TPPP: variants seen among roughly 807,000 people sequenced by gnomAD.
TPPP encodes tubulin polymerization-promoting protein.
TPPP carries 6 observed loss-of-function variants against 15.5 expected under a neutral mutation model. That is an observed-to-expected ratio of 0.39 (90% CI 0.21 to 0.77). TPPP has a LOEUF of 0.77. Among genes scored for constraint, TPPP ranks in the 30% least tolerant of loss-of-function variants. TPPP has a pLI of 0.42. For synonymous variants in TPPP, 146 were observed against 133.9 expected (o/e 1.09, Z -0.63); for missense variants, 269 against 307.2 (o/e 0.88, Z 0.93).
At chr5:666,179 C>G in intron 2 of TPPP, 56 bp from the exon 3 acceptor site, 5 of 1,574,454 alleles carry the variant, frequency 3.2e-6, no homozygotes, top group East Asian at 2.3e-5. Flanking sequence ...GGCTGCCCTC[C>G]CCACGCGTGG....
chr5:668,448 G>GTGGGCGCCGTCAGGGAAGTACC (rs1740041836), intron 2 of TPPP, among the ~76,000 whole-genome samples: 9 of 105,230 alleles, frequency 8.6e-5, no homozygotes, highest in African/African-American at 3.7e-4. Flanking sequence ...AGGGAAGTGC[G>GTGGGCGCCGTCAGGGAAGTACC]GACAAGCACA....
At position 665,054 on chromosome 5, in the gene TPPP, G is replaced by A. The variant is rs1739836232; in HGVS notation, c.*48C>T. On this transcript the variant is annotated 3_prime_UTR_variant, in exon 4 of 4. Coordinates refer to ENST00000360578, the MANE Select transcript of TPPP (RefSeq NM_007030.3). ...ATGTAATGAAGTGCGAGGTGACAGAGTCCCTGCTCTGGGGACACCGGCAGT... is the reference window on the plus strand; with the variant it reads ...ATGTAATGAAGTGCGAGGTGACAGAATCCCTGCTCTGGGGACACCGGCAGT... The A allele has an allele frequency of 1.9e-6, 3 of 1,574,744 alleles. No homozygotes were observed. Among genetic ancestry groups the A allele is most frequent in the East Asian group, 2.2e-5 (1 of 44,622 alleles).
chr5:686,525 G>T (rs1362281614), intron 1 of TPPP, among the ~76,000 whole-genome samples: 5 of 147,866 alleles, frequency 3.4e-5, no homozygotes, highest in Non-Finnish European at 7.4e-5. Flanking sequence ...GGTTACCCTC[G>T]GGGCTCCGGG....
Position 665,124 on chromosome 5 carries a change from T to C in TPPP, c.638A>G (p.Gln213Arg), listed in dbSNP as rs770425518. ...SGYKHAGTYD[Q>R]KVQGGK ...GGGCTACTTGCCCCCTTGCACCTTC[T>C]GGTCGTAGGTGCCTGCGTGCTTGTA... is the stretch of plus-strand genomic sequence containing the variant. Residue 213 changes from glutamine to arginine, a missense_variant, in exon 4 of 4, where the codon CAG becomes CGG. Physicochemically the swap from Gln to Arg is conservative, Grantham distance 43. Transcript: ENST00000360578. 13 of 1,611,974 alleles carry C rather than the reference T, an allele frequency of 8.1e-6. No individual in the cohort carries two copies. In the East Asian group the frequency reaches 2.9e-4, roughly 36 times the overall value.
rs921717961 is a variant in TPPP, at chr5:663,234, C to G, written c.*1868G>C. ...TGTGATCGGGTGATTCCGAACCGCA[C>G]ATTCAGAGTTGTTTTCAAATGTTTC... On this transcript the variant is annotated 3_prime_UTR_variant, in exon 4 of 4. Coordinates refer to ENST00000360578, the MANE Select transcript of TPPP (RefSeq NM_007030.3). 1.3e-5 allele frequency: 2 copies of G among 152,438 alleles called. No individual in the cohort carries two copies. The highest frequency in any genetic ancestry group is 2.9e-5 in the Non-Finnish European group (2 of 68,072). 9.4% of individuals were successfully genotyped at this position (152,438 alleles called of 1,614,324 possible). A position where few individuals can be genotyped will look rare whatever the true frequency, so the allele number is the denominator to read the frequency against.
At chr5:675,101 A>T (rs1388029013) in intron 2 of TPPP, among the ~76,000 whole-genome samples, 1 of 4,976 alleles carries the variant, frequency 2.0e-4, no homozygotes, top group Non-Finnish European at 3.6e-4. Flanking sequence ...CAGTGTGGTC[A>T]GGGGTGCAGC....
intron 2 of TPPP, among the ~76,000 whole-genome samples, chr5:668,622 G>A (rs116775536): frequency 0.024 from 3,658 of 152,352 alleles, 133 homozygotes; most frequent in African/African-American, 0.08. Flanking sequence ...CGAGCAACGC[G>A]GCAGAGCCAC....
the TPPP span, among the ~76,000 whole-genome samples, chr5:698,550 C>T: frequency 6.6e-6 from 1 of 151,990 alleles, no homozygotes; most frequent in Admixed American, 6.6e-5. Flanking sequence ...AAAGGCAGAT[C>T]ATACACGGCA....
At chr5:677,069 G>A (rs1030086092) in intron 2 of TPPP, among the ~76,000 whole-genome samples, 120 of 151,920 alleles carry the variant, frequency 7.9e-4, no homozygotes, top group African/African-American at 2.5e-3. Flanking sequence ...ACAGAAACGC[G>A]CACACGTGCA....
chr5:673,699 G>C (rs1295717821), intron 2 of TPPP, among the ~76,000 whole-genome samples: 1 of 152,164 alleles, frequency 6.6e-6, no homozygotes, highest in African/African-American at 2.4e-5. Context: ...ACACCCCAAG[G>C]CTGGTCCCCG....
intron 1 of TPPP, among the ~76,000 whole-genome samples, chr5:680,502 C>G (rs1360151241): frequency 7.1e-6 from 1 of 139,888 alleles, no homozygotes. Flanking sequence ...CGTCAACAGC[C>G]GAGAAGAAGT....
intron 1 of TPPP, among the ~76,000 whole-genome samples, chr5:688,166 C>T (rs1231619116): frequency 2.4e-5 from 3 of 125,472 alleles, no homozygotes; most frequent in East Asian, 4.1e-4. Context: ...GACTCAACGG[C>T]TCCACTTCCA....
At chr5:697,012 C>T (rs1425688419), upstream of TPPP, among the ~76,000 whole-genome samples, 5 of 140,664 alleles carry the variant, frequency 3.6e-5, no homozygotes, top group African/African-American at 1.3e-4. Flanking sequence ...CTGCGTGTGC[C>T]TGTGTGTGCA....
At chr5:680,730 G>A (rs529389669) in intron 1 of TPPP, among the ~76,000 whole-genome samples, 13 of 152,042 alleles carry the variant, frequency 8.6e-5, no homozygotes, top group Admixed American at 2.0e-4. Flanking sequence ...GTGCTGAGGG[G>A]TCTCACGTGG....
intron 3 of TPPP, among the ~76,000 whole-genome samples, chr5:665,575 G>C (rs938529786): frequency 6.6e-6 from 1 of 151,990 alleles, no homozygotes; most frequent in African/African-American, 2.4e-5. Flanking sequence ...GGAAGGGGCT[G>C]TCAGAACAGC....
At chr5:687,269 T>C (rs1345478497) in intron 1 of TPPP, among the ~76,000 whole-genome samples, 1 of 139,328 alleles carries the variant, frequency 7.2e-6, no homozygotes, top group Non-Finnish European at 1.6e-5. Context: ...ACTGTGTCAA[T>C]TGTCAGAAGC....
rs1019284977 is a variant in TPPP, at chr5:664,616, A to G, written c.*486T>C. ...GAAGGCCCCGTGGTGTCCGCTGCACACAGGACAGGCCTCGGGCCCCACAGA... is the reference window on the plus strand; with the variant it reads ...GAAGGCCCCGTGGTGTCCGCTGCACGCAGGACAGGCCTCGGGCCCCACAGA... On this transcript the variant is annotated 3_prime_UTR_variant, in exon 4 of 4. Coordinates refer to ENST00000360578, the MANE Select transcript of TPPP (RefSeq NM_007030.3). The G allele has an allele frequency of 3.6e-5, 6 of 166,552 alleles. No homozygotes were observed. The highest frequency in any genetic ancestry group is 1.2e-4 in the Admixed American group (2 of 16,866). 10.3% of individuals were successfully genotyped at this position (166,552 alleles called of 1,614,324 possible).
At position 677,738 on chromosome 5, in the gene TPPP, C is replaced by A. The variant is rs754136178; in HGVS notation, c.311+12G>T. 54 of 1,543,316 alleles carry A rather than the reference C, an allele frequency of 3.5e-5. No homozygotes were observed. The Middle Eastern group carries it at 7.0e-4, about 20-fold the overall frequency. On this transcript the variant is annotated intron_variant, in intron 2 of 3. Coordinates refer to ENST00000360578, the MANE Select transcript of TPPP (RefSeq NM_007030.3). ...AGTCAGGTCCCTCGGCCCGTGAGCC[C>A]AGCGCACTCACTTGATCTTGCTGAA...
chr5:669,143 G>A (rs898021504), intron 2 of TPPP, among the ~76,000 whole-genome samples: 1 of 152,214 alleles, frequency 6.6e-6, no homozygotes, highest in Admixed American at 6.5e-5. Flanking sequence ...GCCTCGCTGT[G>A]TCCGGAGGGG....
Sources: allele counts gnomAD v4.1 joint callset (sites outside exome capture counted in the v4.1 genomes callset), GRCh38; gene constraint gnomAD v4.1.1; transcripts MANE v1.5; gene names NCBI Gene and HGNC (gene_info 2026-07-23, HGNC 2026-07-21).